Variants in SAMHD1 observed in about 807,000 individuals in gnomAD.
SAMHD1 encodes the protein deoxynucleoside triphosphate triphosphohydrolase SAMHD1.
In SAMHD1, 54 loss-of-function variants were observed where a neutral mutation model predicts 79.6. The ratio of observed to expected loss-of-function variants is 0.68; its 90% CI spans 0.55 to 0.85. SAMHD1 has a LOEUF of 0.85. SAMHD1 is among the 40% of genes least tolerant of loss of function. SAMHD1 has a pLI of 0.00. For synonymous variants in SAMHD1, 260 were observed against 264.1 expected (o/e 0.98, Z 0.15); for missense variants, 663 against 782.7 (o/e 0.85, Z 1.82).
chr20:36,898,224 C>T (rs1003494467), intron 14 of SAMHD1, among the ~76,000 whole-genome samples: 3 of 152,052 alleles, frequency 2.0e-5, no homozygotes, highest in Non-Finnish European at 2.9e-5. Context: ...GATGGGGTCT[C>T]GCTTTGTTGG....
intron 15 of SAMHD1, chr20:36,894,286 G>T: frequency 6.0e-6 from 1 of 166,500 alleles, no homozygotes. Flanking sequence ...ACCCATGCTG[G>T]AGTGCAGTGG....
chr20:36,914,892 G>A (rs1275400329), intron 9 of SAMHD1, among the ~76,000 whole-genome samples: 2 of 151,396 alleles, frequency 1.3e-5, no homozygotes, highest in African/African-American at 4.9e-5. Context: ...TGCGCCTGTG[G>A]TCCCAGCTAT....
chr20:36,916,577 G>A, intron 9 of SAMHD1, 145 bp downstream of exon 9: 2 of 733,918 alleles, frequency 2.7e-6, no homozygotes, highest in Admixed American at 1.9e-5. Context: ...GCAGTAGAAG[G>A]GAAGAGACTA....
chr20:36,943,832 C>A (rs1219985886), intron 2 of SAMHD1, among the ~76,000 whole-genome samples: 7 of 152,102 alleles, frequency 4.6e-5, no homozygotes, highest in Non-Finnish European at 7.3e-5. Flanking sequence ...GTAATCCCAG[C>A]ACTTTGGGAG....
chr20:36,895,061 C>T (rs949781901), intron 15 of SAMHD1, among the ~76,000 whole-genome samples: 1 of 152,028 alleles, frequency 6.6e-6, no homozygotes, highest in African/African-American at 2.4e-5. Context: ...TTAATTTCTA[C>T]TCATTCTACT....
chr20:36,935,170 T>G lies in SAMHD1; in HGVS notation c.368A>C (p.His123Pro), dbSNP rs121434520. ...GAGAGGGTGGAGCTCAATGTGGCCA[T>G]GGATAGGATCATTAATTACCTAGAA... ...DTMKVINDPIHGHIELHPLLV... is the reference protein window; with the variant it reads ...DTMKVINDPIPGHIELHPLLV... The change falls in exon 4 of 16, where the codon CAT becomes CCT. Residue 123 changes from histidine (H) to proline (P), a missense_variant. Physicochemically the swap from His to Pro is moderately conservative, Grantham distance 77 (BLOSUM62 -2). Coordinates refer to ENST00000646673, the MANE Select transcript of SAMHD1 (RefSeq NM_015474.4). 2 of 1,613,194 alleles carry G rather than the reference T, an allele frequency of 1.2e-6. No homozygotes were observed. The highest frequency in any genetic ancestry group is 1.7e-6 in the Non-Finnish European group (2 of 1,179,250).
intron 9 of SAMHD1, 27 bp downstream of exon 9, chr20:36,916,695 C>T (rs1435385096): frequency 6.7e-7 from 1 of 1,485,446 alleles, no homozygotes; most frequent in South Asian, 1.1e-5. Context: ...CAACATTCTT[C>T]TTATTGCCTC....
chr20:36,938,465 G>A (rs539394719), intron 3 of SAMHD1, among the ~76,000 whole-genome samples: 3 of 152,006 alleles, frequency 2.0e-5, no homozygotes, highest in South Asian at 4.2e-4. Flanking sequence ...GCTTGAACCC[G>A]GGAGGCGGAG....
chr20:36,907,407 C>T (rs1265712220), intron 11 of SAMHD1, among the ~76,000 whole-genome samples: 1 of 152,066 alleles, frequency 6.6e-6, no homozygotes, highest in Non-Finnish European at 1.5e-5. Context: ...ACTATAGGCA[C>T]ATGCCACCAT....
intron 6 of SAMHD1, among the ~76,000 whole-genome samples, chr20:36,920,873 C>T (rs1166419503): frequency 6.6e-6 from 1 of 151,870 alleles, no homozygotes; most frequent in African/African-American, 2.4e-5. Flanking sequence ...TTGCTTGAGC[C>T]CAGGAGTTCG....
At chr20:36,905,942 A>G (rs2148360994) in intron 11 of SAMHD1, among the ~76,000 whole-genome samples, 1 of 151,802 alleles carries the variant, frequency 6.6e-6, no homozygotes, top group Admixed American at 6.6e-5. Context: ...CATTGCACTC[A>G]AGCCTGGGCA....
At chr20:36,921,626 C>G (rs1036591574) in intron 6 of SAMHD1, among the ~76,000 whole-genome samples, 2 of 151,588 alleles carry the variant, frequency 1.3e-5, no homozygotes, top group Non-Finnish European at 2.9e-5. Context: ...CTCCTGGGCT[C>G]CCGGGCTCAA....
At chr20:36,924,450 C>G (rs2063525115) in intron 6 of SAMHD1, among the ~76,000 whole-genome samples, 1 of 151,762 alleles carries the variant, frequency 6.6e-6, no homozygotes, top group Admixed American at 6.6e-5. Flanking sequence ...GAGCATAAAT[C>G]AGGAGGAGGA....
intron 11 of SAMHD1, among the ~76,000 whole-genome samples, chr20:36,907,999 C>T (rs918721005): frequency 6.6e-5 from 10 of 151,516 alleles, no homozygotes; most frequent in African/African-American, 1.5e-4. Flanking sequence ...CCTCAGTCTC[C>T]GAGTAGCTGG....
intron 10 of SAMHD1, chr20:36,911,997 C>T (rs1708054622): frequency 1.5e-5 from 3 of 196,634 alleles, no homozygotes; most frequent in South Asian, 1.9e-4. Context: ...AGGTAAAATT[C>T]CTGTTGGTTT....
At chr20:36,933,120 G>A (rs2063578243) in intron 4 of SAMHD1, among the ~76,000 whole-genome samples, 1 of 152,098 alleles carries the variant, frequency 6.6e-6, no homozygotes, top group Non-Finnish European at 1.5e-5. Context: ...AATATTTGTT[G>A]ATGAATGAAC....
intron 7 of SAMHD1, chr20:36,917,364 A>G (rs2063482202): frequency 3.1e-6 from 1 of 325,554 alleles, no homozygotes; most frequent in Non-Finnish European, 5.8e-6. Flanking sequence ...TGAAAAATAT[A>G]AAATCTAGGC....
At position 36,911,296 on chromosome 20, in the gene SAMHD1, C is replaced by G; in HGVS notation, c.1192G>C (p.Glu398Gln). The change falls in exon 11 of 16, where the codon GAG becomes CAG. Residue 398 changes from glutamate (E) to glutamine (Q), a missense_variant. Coordinates refer to ENST00000646673, the MANE Select transcript of SAMHD1 (RefSeq NM_015474.4). The part of the protein sequence containing the change: ...DAFLKADDYI[E>Q]ITGAGGKKYR... Reference sequence around the variant, plus strand: ...TTTTTTCCTCCAGCACCTGTAATCTCTATGTAGTCATCTGCTTTGAGGAAA... The same window carrying G: ...TTTTTTCCTCCAGCACCTGTAATCTGTATGTAGTCATCTGCTTTGAGGAAA... 6.2e-7 allele frequency: 1 copy of G among 1,612,664 alleles called. No homozygotes were observed. Among genetic ancestry groups the G allele is most frequent in the Non-Finnish European group, 8.5e-7 (1 of 1,179,774 alleles).
At chr20:36,909,608 T>C (rs1601122997) in intron 11 of SAMHD1, among the ~76,000 whole-genome samples, 1 of 146,090 alleles carries the variant, frequency 6.8e-6, no homozygotes, top group Admixed American at 6.9e-5. Context: ...GAGGCGGAGG[T>C]TGCAGTGAGC....
Sources: gnomAD v4.1 joint callset for allele counts (sites outside exome capture counted in the v4.1 genomes callset) on GRCh38, gnomAD v4.1.1 for gene constraint, MANE v1.5 for transcripts, NCBI Gene and HGNC (gene_info 2026-07-23, HGNC 2026-07-21) for gene names.